Variants in RPS29 observed in about 807,000 individuals in gnomAD.
RPS29 encodes ribosomal protein S29.
For synonymous variants in RPS29, 37 were observed against 26.9 expected (o/e 1.37, Z -1.16); for missense variants, 60 against 75.7 (o/e 0.79, Z 0.77).
At chr14:49,587,786 G>T (rs576231754), upstream of RPS29, among the ~76,000 whole-genome samples, 16 of 152,324 alleles carry the variant, frequency 1.1e-4, 1 homozygote, top group African/African-American at 3.1e-4. Flanking sequence ...GCCAAGAAGA[G>T]AAATTAATTC....
At chr14:49,588,536 CT>C (rs66796235), upstream of RPS29, among the ~76,000 whole-genome samples, 2 of 150,414 alleles carry the variant, frequency 1.3e-5, no homozygotes, top group East Asian at 1.9e-4. Flanking sequence ...GTTTTTTTTC[CT>C]TTTTTTTTGA....
chr14:49,588,336 C>T (rs780604695), upstream of RPS29, among the ~76,000 whole-genome samples: 7 of 152,198 alleles, frequency 4.6e-5, no homozygotes, highest in Non-Finnish European at 8.8e-5. Flanking sequence ...CTAGTCTATA[C>T]ATTATTCTCT....
At chr14:49,572,867 A>C (rs935807883) in exon 3 of RPS29, 3 of 152,156 alleles carry the variant, frequency 2.0e-5, no homozygotes, top group Admixed American at 6.5e-5. Context: ...CCAGGAATTT[A>C]AGGCCAACCT....
chr14:49,578,465 A>G (rs1363321249), intron 2 of RPS29, among the ~76,000 whole-genome samples: 1 of 151,984 alleles, frequency 6.6e-6, no homozygotes, highest in African/African-American at 2.4e-5. Context: ...TTTTTAACAT[A>G]ATAAAATTGT....
chr14:49,574,795 C>T (rs1881135938), exon 3 of RPS29: 1 of 152,274 alleles, frequency 6.6e-6, no homozygotes, highest in Non-Finnish European at 1.5e-5. Context: ...GGAGGGGTCA[C>T]CCACGAAGAA....
upstream of RPS29, chr14:49,586,386 G>A (rs765404544): frequency 5.1e-6 from 8 of 1,573,226 alleles, no homozygotes; most frequent in Middle Eastern, 1.7e-4. Flanking sequence ...GGAAGAAGCT[G>A]GCCCACGCAT....
intron 1 of RPS29, among the ~76,000 whole-genome samples, chr14:49,592,080 A>G (rs1016331540): frequency 6.6e-6 from 1 of 152,104 alleles, no homozygotes; most frequent in Non-Finnish European, 1.5e-5. Flanking sequence ...GCTAGTTTAT[A>G]TATTTATAAA....
upstream of RPS29, chr14:49,598,691 A>G (rs1881901236): frequency 1.4e-6 from 1 of 700,102 alleles, no homozygotes. Context: ...CTCCCCGAAC[A>G]GAAACAACCA....
intron 1 of RPS29, chr14:49,598,291 G>T: frequency 1.7e-6 from 1 of 603,832 alleles, no homozygotes. Context: ...GCCGGGCCCC[G>T]TCCTAGTTCA....
upstream of RPS29, chr14:49,586,992 G>C: frequency 6.6e-6 from 1 of 152,538 alleles, no homozygotes; most frequent in East Asian, 1.9e-4. Flanking sequence ...CTTGGGAAAG[G>C]AGTTTTTCCT....
chr14:49,596,218 T>C (rs762375996), intron 1 of RPS29, among the ~76,000 whole-genome samples: 1 of 152,176 alleles, frequency 6.6e-6, no homozygotes, highest in Non-Finnish European at 1.5e-5. Context: ...AAGAATGTAG[T>C]TTGTAGGCCA....
chr14:49,595,050 A>G (rs921721392), intron 1 of RPS29, among the ~76,000 whole-genome samples: 2 of 152,234 alleles, frequency 1.3e-5, no homozygotes, highest in South Asian at 2.1e-4. Context: ...CTGAATTCTA[A>G]TATTCTCTTC....
chr14:49,587,906 A>G (rs936271766), upstream of RPS29, among the ~76,000 whole-genome samples: 17 of 152,244 alleles, frequency 1.1e-4, no homozygotes, highest in African/African-American at 3.9e-4. Flanking sequence ...GCTTGAGCCA[A>G]GGTAAGGTGA....
At chr14:49,577,552 T>C in exon 3 of RPS29, 1 of 616,398 alleles carries the variant, frequency 1.6e-6, no homozygotes, top group Non-Finnish European at 2.9e-6. Flanking sequence ...TTCCAGCTCC[T>C]TAACGTTGTG....
chr14:49,590,151 C>T (rs1435971183), upstream of RPS29, among the ~76,000 whole-genome samples: 2 of 152,158 alleles, frequency 1.3e-5, no homozygotes, highest in Non-Finnish European at 2.9e-5. Context: ...ATAGAACCAA[C>T]CTGTACATGT....
chr14:49,586,291 C>T lies in RPS29; in HGVS notation c.56G>A (p.Arg19His). 1 of 1,613,658 alleles carries T rather than the reference C, an allele frequency of 6.2e-7. No homozygotes were observed. The change falls in exon 1 of 3, where the codon CGC becomes CAC. Residue 19 changes from arginine to histidine, a missense_variant. Physicochemically the swap from Arg to His is conservative, Grantham distance 29. Transcript: ENST00000245458. ...SHPRKFGQGS[R>H]SCRVCSNRHG... ...ATCACAAACTATTTCTCACCAAGAG[C>T]GAGAACCCTGGCCGAATTTTCGCGG...
chr14:49,588,218 GCCTAAAGAAGTGAATT>G (rs1221675607), upstream of RPS29, among the ~76,000 whole-genome samples: 1 of 152,146 alleles, frequency 6.6e-6, no homozygotes, highest in Non-Finnish European at 1.5e-5. Flanking sequence ...AAGCCTTTGG[GCCTAAAGAAGTGAATT>G]CATTTAGGAG....
chr14:49,586,781 C>T (rs1881587111), upstream of RPS29: 1 of 224,648 alleles, frequency 4.5e-6, no homozygotes, highest in Non-Finnish European at 9.3e-6. Flanking sequence ...AGGTCGGAAA[C>T]GGAGCAGGTC....
At chr14:49,581,122 G>A (rs547329741), downstream of RPS29, among the ~76,000 whole-genome samples, 31 of 152,074 alleles carry the variant, frequency 2.0e-4, no homozygotes, top group South Asian at 5.0e-3. Context: ...GGGAGGCGGA[G>A]GTTGCAGTGA....
Sources: allele counts gnomAD v4.1 joint callset (sites outside exome capture counted in the v4.1 genomes callset), GRCh38; gene constraint gnomAD v4.1.1; transcripts MANE v1.5; gene names NCBI Gene and HGNC (gene_info 2026-07-23, HGNC 2026-07-21).